The following TRDN variants were observed in gnomAD, a reference collection of about 807,000 sequenced individuals.
The protein encoded by TRDN is triadin in skeletal muscle.
TRDN carries 161 observed loss-of-function variants against 149.7 expected under a neutral mutation model. The observed-to-expected ratio is 1.08, with a 90% CI of 0.95 to 1.23. The LOEUF (loss-of-function observed/expected upper bound fraction) is 1.23, where lower values mean the gene tolerates loss of function less well. TRDN is among the 50% of genes most tolerant of loss of function. The probability of loss-of-function intolerance (pLI) is 0.00; values close to 1 mark genes in which losing one functional copy is unlikely to be tolerated. For missense variants in TRDN, 896 were observed against 823.5 expected (o/e 1.09, Z -1.08); for synonymous variants, 294 against 250.5 (o/e 1.17, Z -1.64).
intron 12 of TRDN, among the ~76,000 whole-genome samples, chr6:123,434,945 C>T (rs530091935): frequency 6.6e-6 from 1 of 151,906 alleles, no homozygotes; most frequent in Admixed American, 6.6e-5. Context: ...TAAAGCCCAT[C>T]CACCTACAAC....
At chr6:123,397,626 A>C (rs1772786916) in intron 12 of TRDN, among the ~76,000 whole-genome samples, 1 of 152,316 alleles carries the variant, frequency 6.6e-6, no homozygotes, top group Admixed American at 6.5e-5. Flanking sequence ...AAGATGACGC[A>C]AAATCTCTTT....
intron 5 of TRDN, among the ~76,000 whole-genome samples, chr6:123,524,389 C>G (rs1023752308): frequency 2.0e-5 from 3 of 151,934 alleles, no homozygotes; most frequent in East Asian, 1.9e-4. Flanking sequence ...TAATTAACCA[C>G]TTGGGCTCCT....
chr6:123,277,480 G>A (rs974584307), intron 26 of TRDN, among the ~76,000 whole-genome samples: 2 of 152,116 alleles, frequency 1.3e-5, no homozygotes, highest in Admixed American at 6.6e-5. Context: ...TATTGCAGAT[G>A]TAATTAGTTA....
intron 12 of TRDN, among the ~76,000 whole-genome samples, chr6:123,433,303 C>T (rs186559538): frequency 1.4e-4 from 21 of 151,634 alleles, no homozygotes; most frequent in Admixed American, 2.6e-4. Flanking sequence ...TAACTTCCCA[C>T]CCCAACGCAT....
At chr6:123,356,526 T>TATATAC in intron 20 of TRDN, among the ~76,000 whole-genome samples, 1 of 98,610 alleles carries the variant, frequency 1.0e-5, no homozygotes, top group South Asian at 6.9e-4. Flanking sequence ...TATATATATA[T>TATATAC]ATATATATAT....
chr6:123,395,144 T>C (rs1240953826), intron 12 of TRDN, among the ~76,000 whole-genome samples: 1 of 152,200 alleles, frequency 6.6e-6, no homozygotes, highest in Non-Finnish European at 1.5e-5. Context: ...AAAATATCAG[T>C]ATGTAAAGTA....
chr6:123,304,867 T>C (rs1778552790), intron 24 of TRDN, among the ~76,000 whole-genome samples: 1 of 152,188 alleles, frequency 6.6e-6, no homozygotes, highest in Non-Finnish European at 1.5e-5. Context: ...TAAAATATTA[T>C]TGATCCTTTA....
intron 24 of TRDN, among the ~76,000 whole-genome samples, chr6:123,301,925 T>C (rs1276489561): frequency 6.7e-6 from 1 of 149,684 alleles, no homozygotes; most frequent in Non-Finnish European, 1.5e-5. Context: ...TTATCAGTCA[T>C]CACAGATATT....
chr6:123,603,688 CT>C, intron 1 of TRDN, among the ~76,000 whole-genome samples: 1 of 152,194 alleles, frequency 6.6e-6, no homozygotes, highest in East Asian at 1.9e-4. Context: ...ATTCTTTATA[CT>C]TTGCTTACTG....
chr6:123,626,894 G>GT lies in TRDN; in HGVS notation c.22+9859dup, dbSNP rs1053933928. 1.7e-4 allele frequency among the ~76,000 whole-genome samples: 25 copies of GT among 145,978 alleles called. 1 individual carries two copies. Among genetic ancestry groups the GT allele is most frequent in the African/African-American group, 3.8e-4 (14 of 37,204 alleles). On this transcript the variant is annotated intron_variant, in intron 1 of 40. Coordinates refer to ENST00000334268, the MANE Select transcript of TRDN (RefSeq NM_006073.4). Reference sequence around the variant, plus strand: ...TATGTCACCTATAGCCTTATAAAATGTTTTTTTTAATTTTTTATTATTTTA... The same window carrying GT: ...TATGTCACCTATAGCCTTATAAAATGTTTTTTTTTAATTTTTTATTATTTTA...
At chr6:123,510,725 C>A (rs1779138687) in intron 7 of TRDN, among the ~76,000 whole-genome samples, 1 of 151,224 alleles carries the variant, frequency 6.6e-6, no homozygotes, top group South Asian at 2.1e-4. Context: ...CTCACTGCAA[C>A]CTCTGCGTCC....
At chr6:123,421,752 T>G (rs1431278851) in intron 12 of TRDN, 1 of 145,002 alleles carries the variant, frequency 6.9e-6, no homozygotes, top group Non-Finnish European at 1.5e-5. Flanking sequence ...GAGACCTGCT[T>G]AAGTTTAGGA....
intron 24 of TRDN, among the ~76,000 whole-genome samples, chr6:123,315,314 A>G (rs977691400): frequency 2.6e-5 from 4 of 151,900 alleles, no homozygotes; most frequent in African/African-American, 9.7e-5. Flanking sequence ...TATCTCTATT[A>G]TGCTTTTTTT....
chr6:123,426,135 C>A (rs1206946913), intron 12 of TRDN, among the ~76,000 whole-genome samples: 3 of 151,896 alleles, frequency 2.0e-5, no homozygotes, highest in Non-Finnish European at 4.4e-5. Flanking sequence ...GCCAAGAAGG[C>A]AGAGAATGTA....
At chr6:123,505,115 A>C (rs1445334025) in intron 7 of TRDN, among the ~76,000 whole-genome samples, 2 of 151,854 alleles carry the variant, frequency 1.3e-5, no homozygotes, top group Non-Finnish European at 2.9e-5. Flanking sequence ...GTGGTGGTGC[A>C]TGCCTGTAAT....
intron 11 of TRDN, among the ~76,000 whole-genome samples, chr6:123,438,324 AC>A (rs78637339): frequency 6.0e-5 from 9 of 151,196 alleles, no homozygotes; most frequent in East Asian, 5.8e-4. Context: ...AGGAAACAGA[AC>A]TTTTTTTTTT....
intron 9 of TRDN, among the ~76,000 whole-genome samples, chr6:123,472,190 A>G (rs1035035803): frequency 3.9e-5 from 6 of 152,272 alleles, no homozygotes; most frequent in Admixed American, 2.0e-4. Context: ...TCACTAGGGA[A>G]TGCCAGACAG....
chr6:123,260,082 C>A (rs1226865255), intron 34 of TRDN, among the ~76,000 whole-genome samples: 1 of 151,852 alleles, frequency 6.6e-6, no homozygotes, highest in Non-Finnish European at 1.5e-5. Flanking sequence ...TACTTACAGG[C>A]ATGACCCTGC....
chr6:123,351,836 G>T, intron 21 of TRDN: 1 of 975,524 alleles, frequency 1.0e-6, no homozygotes, highest in Non-Finnish European at 1.2e-6. Flanking sequence ...TGACATGAGG[G>T]AACGACAATT....
Sources: allele counts gnomAD v4.1 joint callset (sites outside exome capture counted in the v4.1 genomes callset), GRCh38; gene constraint gnomAD v4.1.1; transcripts MANE v1.5; gene names NCBI Gene and HGNC (gene_info 2026-07-23, HGNC 2026-07-21).